PAPPA: variants seen among roughly 807,000 people sequenced by gnomAD.
The protein encoded by PAPPA is pappalysin-1.
Under a neutral mutation model 164.0 loss-of-function variants are expected in PAPPA, and 60 were observed. That is an observed-to-expected ratio of 0.37 (90% CI 0.30 to 0.45). The LOEUF (loss-of-function observed/expected upper bound fraction) is 0.45. Among genes scored for constraint, PAPPA ranks in the 20% least tolerant of loss-of-function variants. The probability of loss-of-function intolerance (pLI) is 1.00; values close to 1 mark genes in which losing one functional copy is unlikely to be tolerated. For missense variants in PAPPA, 1,782 were observed against 2,087.3 expected, an observed-to-expected ratio of 0.85 and a Z score of 2.85; for synonymous variants, 875 against 814.1, an observed-to-expected ratio of 1.07 and a Z score of -1.27.
chr9:116,397,803 C>T lies in PAPPA; in HGVS notation c.*1187C>T, dbSNP rs974908635. 1.2e-4 allele frequency: 19 copies of T among 152,646 alleles called. No homozygotes were observed. Among genetic ancestry groups the T allele is most frequent in the African/African-American group, 3.9e-4 (16 of 41,454 alleles). 9.5% of individuals were successfully genotyped at this position (152,646 alleles called of 1,614,324 possible). A position where few individuals can be genotyped will look rare whatever the true frequency, so the allele number is the denominator to read the frequency against. On this transcript the variant is annotated 3_prime_UTR_variant, in exon 22 of 22. Coordinates refer to ENST00000328252, the MANE Select transcript of PAPPA (RefSeq NM_002581.5). ...GCCATCCAGAGACTACTGGAATTGT[C>T]GAGACTTTTGGATTATTATCCTTAT... is the stretch of plus-strand genomic sequence containing the variant.
chr9:116,343,418 G>A (rs1447645842), intron 13 of PAPPA, among the ~76,000 whole-genome samples: 1 of 152,196 alleles, frequency 6.6e-6, no homozygotes, highest in Non-Finnish European at 1.5e-5. Context: ...CCATGAGGGT[G>A]CTTGCCGAGG....
At chr9:116,375,032 G>T (rs890006082) in intron 19 of PAPPA, among the ~76,000 whole-genome samples, 2 of 152,196 alleles carry the variant, frequency 1.3e-5, no homozygotes, top group African/African-American at 4.8e-5. Flanking sequence ...CTCAGGATCT[G>T]CCCTCAAGAA....
intron 15 of PAPPA, among the ~76,000 whole-genome samples, chr9:116,352,299 CAGAATTT>C (rs1846292954): frequency 6.6e-6 from 1 of 152,206 alleles, no homozygotes; most frequent in South Asian, 2.1e-4. Context: ...TCACTGATAT[CAGAATTT>C]GCTGTAGTTT....
At chr9:116,314,151 A>G (rs1215495381) in intron 10 of PAPPA, among the ~76,000 whole-genome samples, 1 of 131,658 alleles carries the variant, frequency 7.6e-6, no homozygotes, top group Non-Finnish European at 1.5e-5. Flanking sequence ...GGCTCACTGC[A>G]GCCTCCACCT....
rs774743081 is a variant in PAPPA at position 116,187,560 on chromosome 9, C to T, written c.822C>T (p.Thr274=). The T allele has an allele frequency of 6.2e-6, 10 of 1,614,060 alleles. No homozygotes were observed. The highest frequency in any genetic ancestry group is 1.6e-4 in the Middle Eastern group (1 of 6,084). The stretch of plus-strand genomic sequence containing the variant: ...GGGAGATACTGTCTGACATGGAAAC[C>T]CATGGCGCCCACACTGCTCTACCTC... ...TQREILSDME[T]HGAHTALPQL... Residue 274 remains threonine (T), a synonymous_variant, in exon 2 of 22, where the codon ACC becomes ACT. Transcript: ENST00000328252. This position sits in a 1 kb window ranked among gnomAD's most constrained non-coding sequence, Gnocchi z 4.2.
intron 19 of PAPPA, among the ~76,000 whole-genome samples, chr9:116,376,712 GA>G (rs750673822): frequency 6.6e-6 from 1 of 152,160 alleles, no homozygotes; most frequent in Non-Finnish European, 1.5e-5. Context: ...ACGGGGCTAG[GA>G]AAAGTGCCAA....
At chr9:116,304,314 A>C (rs1845617017) in intron 10 of PAPPA, among the ~76,000 whole-genome samples, 1 of 152,254 alleles carries the variant, frequency 6.6e-6, no homozygotes, top group African/African-American at 2.4e-5. Context: ...GTAGATACAC[A>C]CACATACACA....
intron 2 of PAPPA, among the ~76,000 whole-genome samples, chr9:116,197,776 T>C (rs1414007404): frequency 6.6e-6 from 1 of 152,230 alleles, no homozygotes; most frequent in African/African-American, 2.4e-5. Context: ...TTAAATAAAT[T>C]TGTTTTTTGC....
chr9:116,326,523 A>G (rs1206496636), intron 10 of PAPPA, among the ~76,000 whole-genome samples: 1 of 152,222 alleles, frequency 6.6e-6, no homozygotes. Flanking sequence ...AGGCCAGTGG[A>G]TCAACATTGA....
At chr9:116,353,931 T>C (rs913924362) in intron 17 of PAPPA, 138 bp downstream of exon 17, 6 of 581,176 alleles carry the variant, frequency 1.0e-5, no homozygotes, top group Non-Finnish European at 1.7e-5. Flanking sequence ...ATACTGTTTT[T>C]GATTTGCTCA....
At chr9:116,275,538 CT>C in intron 9 of PAPPA, among the ~76,000 whole-genome samples, 1 of 152,136 alleles carries the variant, frequency 6.6e-6, no homozygotes, top group South Asian at 2.1e-4. Flanking sequence ...GAGAACCTGG[CT>C]TTTTCTACTC....
intron 19 of PAPPA, among the ~76,000 whole-genome samples, chr9:116,371,178 A>T (rs1008407515): frequency 1.6e-5 from 2 of 124,186 alleles, no homozygotes; most frequent in African/African-American, 6.5e-5. Context: ...GCACATTGTG[A>T]GGCCAAGGCA....
chr9:116,239,364 G>A lies in PAPPA; in HGVS notation c.2732+3727G>A, dbSNP rs143715305. Among the ~76,000 whole-genome samples, 352 of 152,230 alleles carry A rather than the reference G, an allele frequency of 2.3e-3. 2 individuals carry two copies. Among genetic ancestry groups the A allele is most frequent in the African/African-American group, 7.4e-3 (307 of 41,528 alleles). Reference sequence around the variant, plus strand: ...TCACCATATGACACAAAGACACACCGCATCACCTATTTGGACCTCAGTTTC... The same window carrying A: ...TCACCATATGACACAAAGACACACCACATCACCTATTTGGACCTCAGTTTC... On this transcript the variant is annotated intron_variant, in intron 7 of 21. Coordinates refer to ENST00000328252, the MANE Select transcript of PAPPA (RefSeq NM_002581.5).
intron 21 of PAPPA, among the ~76,000 whole-genome samples, chr9:116,392,923 G>A (rs184874072): frequency 1.0e-3 from 152 of 152,338 alleles, no homozygotes; most frequent in African/African-American, 3.5e-3. Context: ...GCATGTAGTG[G>A]AGACAAGGAG....
At chr9:116,279,357 T>G (rs1413397488) in intron 9 of PAPPA, among the ~76,000 whole-genome samples, 1 of 152,030 alleles carries the variant, frequency 6.6e-6, no homozygotes, top group Non-Finnish European at 1.5e-5. Flanking sequence ...GTCTGATGGA[T>G]GCATTCAAAC....
intron 7 of PAPPA, among the ~76,000 whole-genome samples, chr9:116,237,652 C>T (rs1321616886): frequency 1.3e-5 from 2 of 152,026 alleles, no homozygotes; most frequent in Non-Finnish European, 2.9e-5. Context: ...AGTCACTTGT[C>T]CTTTCTAGTC....
intron 10 of PAPPA, among the ~76,000 whole-genome samples, chr9:116,305,497 A>T (rs1845635477): frequency 6.6e-6 from 1 of 152,144 alleles, no homozygotes; most frequent in Non-Finnish European, 1.5e-5. Context: ...ACACATACAT[A>T]CACAAATTTA....
chr9:116,288,135 C>T (rs916203691), intron 9 of PAPPA, among the ~76,000 whole-genome samples: 2 of 152,136 alleles, frequency 1.3e-5, no homozygotes, highest in African/African-American at 4.8e-5. Context: ...CTCTGGGAGG[C>T]TGAAATGGGC....
chr9:116,308,229 GTA>G (rs1845671230), intron 10 of PAPPA, among the ~76,000 whole-genome samples: 1 of 152,198 alleles, frequency 6.6e-6, no homozygotes, highest in Non-Finnish European at 1.5e-5. Context: ...ACTAGAAATA[GTA>G]GCCAAAGACC....
Sources: allele counts gnomAD v4.1 joint callset (sites outside exome capture counted in the v4.1 genomes callset), GRCh38; gene constraint gnomAD v4.1.1; non-coding constraint Gnocchi (gnomAD v3.1); transcripts MANE v1.5; gene names NCBI Gene and HGNC (gene_info 2026-07-23, HGNC 2026-07-21).